The following RABGAP1L variants were observed in gnomAD, a reference collection of about 807,000 sequenced individuals.
RABGAP1L encodes the protein rab GTPase-activating protein 1-like.
In RABGAP1L, 63 loss-of-function variants were observed where a neutral mutation model predicts 137.7. The ratio of observed to expected loss-of-function variants is 0.46; its 90% CI spans 0.37 to 0.56. RABGAP1L has a LOEUF of 0.56. Among genes scored for constraint, RABGAP1L ranks in the 20% least tolerant of loss-of-function variants. The pLI, the probability that RABGAP1L is intolerant of heterozygous loss-of-function variation, is 0.00. For synonymous variants in RABGAP1L, 431 were observed against 433.7 expected, an observed-to-expected ratio of 0.99 and a Z score of 0.08; for missense variants, 1,095 against 1,244.0, an observed-to-expected ratio of 0.88 and a Z score of 1.80.
At chr1:174,714,783 C>T (rs1280244279) in intron 17 of RABGAP1L, among the ~76,000 whole-genome samples, 1 of 152,162 alleles carries the variant, frequency 6.6e-6, no homozygotes, top group African/African-American at 2.4e-5. Flanking sequence ...CAGATTTTCT[C>T]CCCTCTTTCC....
intron 1 of RABGAP1L, among the ~76,000 whole-genome samples, chr1:174,197,684 C>T (rs905240703): frequency 6.6e-6 from 1 of 152,068 alleles, no homozygotes; most frequent in Admixed American, 6.6e-5. Flanking sequence ...CATGTAATCT[C>T]AGCCACTCGG....
chr1:174,839,100 G>T (rs1232447238), intron 19 of RABGAP1L, among the ~76,000 whole-genome samples: 11 of 150,802 alleles, frequency 7.3e-5, no homozygotes, highest in Middle Eastern at 6.9e-3. Context: ...TTGTATCTGT[G>T]GGGGAAGAGG....
chr1:174,816,760 TC>T (rs1247952155), intron 19 of RABGAP1L, among the ~76,000 whole-genome samples: 3 of 134,908 alleles, frequency 2.2e-5, no homozygotes, highest in Admixed American at 8.5e-5. Flanking sequence ...TGAGATGGAG[TC>T]TTGCTCTGTC....
chr1:174,870,304 A>G (rs1277429440), intron 19 of RABGAP1L, among the ~76,000 whole-genome samples: 2 of 152,160 alleles, frequency 1.3e-5, no homozygotes, highest in Admixed American at 6.5e-5. Context: ...TCTAAATTCA[A>G]TCCATCTTTT....
chr1:174,261,294 C>T (rs1204907116), intron 7 of RABGAP1L, among the ~76,000 whole-genome samples: 1 of 152,096 alleles, frequency 6.6e-6, no homozygotes, highest in Non-Finnish European at 1.5e-5. Flanking sequence ...GGGATACAAT[C>T]ATTATATATA....
chr1:174,420,145 A>G (rs562216860), intron 13 of RABGAP1L, among the ~76,000 whole-genome samples: 15 of 151,724 alleles, frequency 9.9e-5, no homozygotes, highest in East Asian at 9.7e-4. Flanking sequence ...AAAATGTTCT[A>G]TCATGGAGCT....
rs571355512 is a variant in RABGAP1L, at chr1:174,473,262, C to T, written c.1710+79117C>T. Among the ~76,000 whole-genome samples, 3 of 152,266 alleles carry T rather than the reference C, an allele frequency of 2.0e-5. No homozygotes were observed. In the South Asian group the frequency reaches 6.2e-4, roughly 32 times the overall value. ...AGGTAAGATGCCTTTGCTGAAGGCA[C>T]CATCTCTTGATGACATAGGATCTCT... On this transcript the variant is annotated intron_variant, in intron 13 of 25. Coordinates refer to ENST00000681986, the MANE Select transcript of RABGAP1L (RefSeq NM_001366446.1).
Position 174,318,516 on chromosome 1 carries a change from C to A in RABGAP1L, c.1465+13389C>A, listed in dbSNP as rs1319420177. Among the ~76,000 whole-genome samples, 6 of 151,906 alleles carry A rather than the reference C, an allele frequency of 3.9e-5. No homozygotes were observed. In the East Asian group the frequency reaches 1.2e-3, roughly 29 times the overall value. On this transcript the variant is annotated intron_variant, in intron 11 of 25. Coordinates refer to ENST00000681986, the MANE Select transcript of RABGAP1L (RefSeq NM_001366446.1). ...CTCTATGTCTTTTGATTGAAATACT[C>A]AATCCATTTATATTCGAGATATTTA...
intron 13 of RABGAP1L, among the ~76,000 whole-genome samples, chr1:174,614,598 G>A (rs1053822817): frequency 2.6e-5 from 4 of 152,106 alleles, no homozygotes; most frequent in African/African-American, 9.7e-5. Flanking sequence ...GGCATTCTCT[G>A]TATTTCCTGA....
At chr1:174,598,692 A>G (rs1050239279) in intron 13 of RABGAP1L, among the ~76,000 whole-genome samples, 4 of 151,984 alleles carry the variant, frequency 2.6e-5, no homozygotes, top group African/African-American at 9.7e-5. Flanking sequence ...TTAATATTGA[A>G]TTCTATTTTA....
intron 18 of RABGAP1L, chr1:174,757,117 A>G: frequency 2.1e-6 from 1 of 473,438 alleles, no homozygotes; most frequent in Non-Finnish European, 4.3e-6. Flanking sequence ...GGGAGGTTGT[A>G]ATCTTGTTCA....
chr1:174,457,013 T>C (rs1450149999), intron 13 of RABGAP1L, among the ~76,000 whole-genome samples: 1 of 152,194 alleles, frequency 6.6e-6, no homozygotes. Flanking sequence ...TCCTGGACTC[T>C]TAAGAGTAAC....
chr1:174,701,117 A>G (rs1679612831), intron 16 of RABGAP1L: 12 of 1,304,738 alleles, frequency 9.2e-6, no homozygotes, highest in Non-Finnish European at 1.2e-5. Context: ...GGAAAACAAA[A>G]TGAAGGTGGC....
At chr1:174,416,044 A>ATACACACAT (rs1650553833) in intron 13 of RABGAP1L, among the ~76,000 whole-genome samples, 1 of 144,342 alleles carries the variant, frequency 6.9e-6, no homozygotes, top group African/African-American at 2.6e-5. Flanking sequence ...ATACACACAC[A>ATACACACAT]TTTTTTTTTT....
chr1:174,319,179 G>A (rs535202925), intron 11 of RABGAP1L, among the ~76,000 whole-genome samples: 7 of 152,026 alleles, frequency 4.6e-5, no homozygotes, highest in East Asian at 1.9e-4. Flanking sequence ...AGCATTTCTT[G>A]TAAGACAGAT....
intron 1 of RABGAP1L, among the ~76,000 whole-genome samples, chr1:174,166,915 G>GT (rs1044964934): frequency 1.3e-5 from 2 of 152,182 alleles, no homozygotes; most frequent in Non-Finnish European, 2.9e-5. Flanking sequence ...TACTTGGTTG[G>GT]TAAAAAGCTG....
At chr1:174,166,263 T>G (rs1177277981) in intron 1 of RABGAP1L, among the ~76,000 whole-genome samples, 2 of 152,214 alleles carry the variant, frequency 1.3e-5, no homozygotes, top group South Asian at 2.1e-4. Flanking sequence ...TTTTTCTTCA[T>G]TAGCGTCAAA....
intron 13 of RABGAP1L, among the ~76,000 whole-genome samples, chr1:174,564,606 T>C (rs541370732): frequency 9.6e-4 from 146 of 152,180 alleles, no homozygotes; most frequent in Non-Finnish European, 1.6e-3. Flanking sequence ...CTGCTTCCTG[T>C]ACTCTTTTTC....
At chr1:174,802,009 G>T (rs550720989) in intron 18 of RABGAP1L, among the ~76,000 whole-genome samples, 2 of 152,252 alleles carry the variant, frequency 1.3e-5, no homozygotes, top group African/African-American at 4.8e-5. Flanking sequence ...TACATTTTCA[G>T]TGTTTTGAAG....
Sources: gnomAD v4.1 joint callset for allele counts (sites outside exome capture counted in the v4.1 genomes callset) on GRCh38, gnomAD v4.1.1 for gene constraint, MANE v1.5 for transcripts, NCBI Gene and HGNC (gene_info 2026-07-23, HGNC 2026-07-21) for gene names.